PRKRA: variants seen among roughly 807,000 people sequenced by gnomAD.
PRKRA encodes interferon-inducible double-stranded RNA-dependent protein kinase activator A.
Under a neutral mutation model 32.4 loss-of-function variants are expected in PRKRA, and 22 were observed. The observed-to-expected ratio is 0.68, with a 90% CI of 0.49 to 0.97. The LOEUF is 0.97. Ranked by LOEUF, PRKRA falls within the 50% of genes least tolerant of loss-of-function variation. PRKRA has a pLI of 0.00. For synonymous variants in PRKRA, 139 were observed against 129.8 expected, an observed-to-expected ratio of 1.07 and a Z score of -0.48; for missense variants, 319 against 375.6, an observed-to-expected ratio of 0.85 and a Z score of 1.25.
chr2:178,436,007 G>T, intron 7 of PRKRA, 138 bp downstream of exon 7: 1 of 726,558 alleles, frequency 1.4e-6, no homozygotes, highest in Non-Finnish European at 2.2e-6. Context: ...TACTGGCCTA[G>T]TAATTATATA....
intron 6 of PRKRA, among the ~76,000 whole-genome samples, chr2:178,440,642 A>G (rs1559355054): frequency 6.6e-6 from 1 of 152,112 alleles, no homozygotes; most frequent in African/African-American, 2.4e-5. Context: ...AGTTTTCTAA[A>G]TAACTTTAAA....
At chr2:178,450,213 G>A (rs1236215602) in intron 2 of PRKRA, 29 bp downstream of exon 2, 3 of 835,212 alleles carry the variant, frequency 3.6e-6, no homozygotes, top group Admixed American at 3.4e-5. Flanking sequence ...CAACCCACTC[G>A]GTCATCCAGG....
Position 178,446,248 on chromosome 2 carries a change from CA to C in PRKRA, c.317+1256del, listed in dbSNP as rs796522577. Among the ~76,000 whole-genome samples, 20 of 152,304 alleles carry C rather than the reference CA, an allele frequency of 1.3e-4. 1 individual carries two copies. The highest frequency in any genetic ancestry group is 4.8e-4 in the African/African-American group (20 of 41,552). ...CAGGCTGGTCTTGAACTCCTGGCCT[CA>C]AGTGATCCACCCACCTCAGCCTCCC... is the stretch of plus-strand genomic sequence containing the variant. On this transcript the variant is annotated intron_variant, in intron 3 of 7. Coordinates refer to ENST00000325748, the MANE Select transcript of PRKRA (RefSeq NM_003690.5).
intron 5 of PRKRA, among the ~76,000 whole-genome samples, 183 bp from the exon 6 acceptor site, chr2:178,441,887 CTTT>C (rs541455452): frequency 8.4e-5 from 11 of 131,716 alleles, no homozygotes; most frequent in Non-Finnish European, 8.0e-5. Context: ...GCTATTAATT[CTTT>C]TTTTTTTTTT....
intron 1 of PRKRA, chr2:178,450,650 A>C (rs1439030138): frequency 6.9e-7 from 1 of 1,441,322 alleles, no homozygotes; most frequent in Non-Finnish European, 9.1e-7. Context: ...TGCGGGTAGG[A>C]GAGATTCTCA....
In PRKRA at chr2:178,431,799, TTCA is replaced by T. The variant is rs1160730114; in HGVS notation, c.*295_*297del. 14 of 420,272 alleles carry T rather than the reference TTCA, an allele frequency of 3.3e-5. No homozygotes were observed. Among genetic ancestry groups the T allele is most frequent in the South Asian group, 3.2e-4 (12 of 37,588 alleles). The allele number at this position is 420,272 out of a possible 1,614,324, so 26.0% of individuals were successfully genotyped here. A position where few individuals can be genotyped will look rare whatever the true frequency, so the allele number is the denominator to read the frequency against. On this transcript the variant is annotated 3_prime_UTR_variant, in exon 8 of 8. Coordinates refer to ENST00000325748, the MANE Select transcript of PRKRA (RefSeq NM_003690.5). ...GAAAGACTGTCGCTAGCATTTTTAT[TTCA>T]TCATCAACAACAAACATGCAGTTTC...
chr2:178,442,877 TTAA>T (rs1157630991), intron 5 of PRKRA, among the ~76,000 whole-genome samples: 1 of 152,202 alleles, frequency 6.6e-6, no homozygotes, highest in Non-Finnish European at 1.5e-5. Flanking sequence ...TAGTCTCTTA[TTAA>T]TCATATAATT....
At chr2:178,436,073 A>G in intron 7 of PRKRA, 72 bp downstream of exon 7, 1 of 1,084,410 alleles carries the variant, frequency 9.2e-7, no homozygotes, top group East Asian at 4.4e-5. Context: ...TATTCCTCAA[A>G]CACATTTTTG....
intron 7 of PRKRA, among the ~76,000 whole-genome samples, chr2:178,432,544 T>G (rs928126336): frequency 1.1e-4 from 17 of 152,178 alleles, no homozygotes; most frequent in Non-Finnish European, 1.5e-5. Context: ...GGGTGGCTGA[T>G]TCCTACACTT....
chr2:178,438,637 A>C (rs1479242794), intron 6 of PRKRA, among the ~76,000 whole-genome samples: 2 of 150,948 alleles, frequency 1.3e-5, no homozygotes, highest in African/African-American at 4.9e-5. Context: ...TTTCCAGATA[A>C]ACTTCAATAA....
At chr2:178,450,536 C>A in intron 1 of PRKRA, 125 bp from the exon 2 acceptor site, 2 of 1,573,498 alleles carry the variant, frequency 1.3e-6, no homozygotes, top group South Asian at 1.2e-5. Flanking sequence ...GAGGCCAGGG[C>A]CAGAGCTGGC....
intron 6 of PRKRA, among the ~76,000 whole-genome samples, chr2:178,441,319 A>G (rs577047688): frequency 6.6e-6 from 1 of 152,304 alleles, no homozygotes; most frequent in Admixed American, 6.5e-5. Context: ...AAAGGGATGG[A>G]AATGCGCTGT....
intron 2 of PRKRA, among the ~76,000 whole-genome samples, chr2:178,449,915 G>A (rs1332745939): frequency 3.9e-5 from 6 of 152,214 alleles, no homozygotes; most frequent in African/African-American, 1.4e-4. Context: ...ACCCAGCTAT[G>A]ACTGCTCCAA....
intron 7 of PRKRA, among the ~76,000 whole-genome samples, chr2:178,434,505 C>G (rs1451950351): frequency 2.0e-5 from 3 of 151,818 alleles, no homozygotes; most frequent in Admixed American, 2.0e-4. Context: ...GCTGCCTCAA[C>G]CTCAGAGGCT....
chr2:178,448,827 T>C (rs1485436578), intron 2 of PRKRA, among the ~76,000 whole-genome samples: 2 of 152,008 alleles, frequency 1.3e-5, no homozygotes, highest in East Asian at 1.9e-4. Context: ...AGACGGGAAG[T>C]AGTTAGGAAG....
chr2:178,447,079 T>G (rs1434476574), intron 3 of PRKRA, among the ~76,000 whole-genome samples: 4 of 151,628 alleles, frequency 2.6e-5, no homozygotes, highest in Non-Finnish European at 5.9e-5. Flanking sequence ...TCTTTTGGTA[T>G]ACATTATATA....
intron 3 of PRKRA, 88 bp downstream of exon 3, chr2:178,447,408 CTGTTCACTT>C (rs1198561029): frequency 7.4e-7 from 1 of 1,352,644 alleles, no homozygotes; most frequent in East Asian, 4.0e-5. Context: ...ATGCTAACAA[CTGTTCACTT>C]TGTTGCTTTT....
At chr2:178,438,146 A>T (rs763120791) in intron 6 of PRKRA, among the ~76,000 whole-genome samples, 2 of 152,194 alleles carry the variant, frequency 1.3e-5, no homozygotes, top group African/African-American at 2.4e-5. Flanking sequence ...CAAATGTATT[A>T]ATCTTTTAAC....
rs138320145 is a variant in PRKRA at position 178,436,328 on chromosome 2, CAG to C, written c.610-11_610-10del. The C allele has an allele frequency of 0.048, 39,918 of 834,570 alleles. 865 individuals are homozygous for C. Among genetic ancestry groups the C allele is most frequent in the East Asian group, 0.24 (6,334 of 26,026 alleles). The allele number at this position is 834,570 out of a possible 1,614,324, so 51.7% of individuals were successfully genotyped here. Reference sequence around the variant, plus strand: ...TGTCCTACTACATTTGTCTGAAAAACAGAGATGAAGATTTAGACTCTTGACTA... The same window carrying C: ...TGTCCTACTACATTTGTCTGAAAAACAGATGAAGATTTAGACTCTTGACTA... On this transcript the variant is annotated splice_polypyrimidine_tract_variant and intron_variant, in intron 6 of 7. Coordinates refer to ENST00000325748, the MANE Select transcript of PRKRA (RefSeq NM_003690.5).
Sources: gnomAD v4.1 joint callset for allele counts (sites outside exome capture counted in the v4.1 genomes callset) on GRCh38, gnomAD v4.1.1 for gene constraint, MANE v1.5 for transcripts, NCBI Gene and HGNC (gene_info 2026-07-23, HGNC 2026-07-21) for gene names.